The following FAM81B variants were observed in gnomAD, a reference collection of about 807,000 sequenced individuals.
The protein encoded by FAM81B is protein FAM81B.
FAM81B carries 60 observed loss-of-function variants against 58.7 expected under a neutral mutation model. The ratio of observed to expected loss-of-function variants is 1.02; its 90% CI spans 0.83 to 1.27. The LOEUF (loss-of-function observed/expected upper bound fraction) is 1.27. FAM81B is among the 50% of genes most tolerant of loss of function. FAM81B has a pLI of 0.00. For missense variants in FAM81B, 491 were observed against 522.0 expected (o/e 0.94, Z 0.58); for synonymous variants, 189 against 179.6 (o/e 1.05, Z -0.42).
intron 5 of FAM81B, among the ~76,000 whole-genome samples, chr5:95,424,512 C>T (rs1762773904): frequency 6.6e-6 from 1 of 151,082 alleles, no homozygotes; most frequent in Non-Finnish European, 1.5e-5. Flanking sequence ...TCCAAAAGCC[C>T]CATTGAATCT....
chr5:95,420,167 C>T, intron 4 of FAM81B, 117 bp from the exon 5 acceptor site: 2 of 1,243,314 alleles, frequency 1.6e-6, no homozygotes, highest in Non-Finnish European at 1.1e-6. Context: ...CTCTCTCACT[C>T]ATGCACACCA....
chr5:95,426,892 CA>C (rs1227609937), intron 5 of FAM81B, among the ~76,000 whole-genome samples: 16 of 152,098 alleles, frequency 1.1e-4, no homozygotes, highest in African/African-American at 3.9e-4. Context: ...ACTAAAAATA[CA>C]AAAAAATTAG....
At chr5:95,408,577 T>A (rs1762326338) in intron 3 of FAM81B, among the ~76,000 whole-genome samples, 1 of 152,252 alleles carries the variant, frequency 6.6e-6, no homozygotes, top group Admixed American at 6.5e-5. Context: ...CTTCTCTGCA[T>A]GTAATGTAGT....
chr5:95,397,875 C>G (rs1762004066), intron 3 of FAM81B, among the ~76,000 whole-genome samples: 1 of 152,190 alleles, frequency 6.6e-6, no homozygotes, highest in South Asian at 2.1e-4. Context: ...AAGGAAGGCA[C>G]TCTATGGCCT....
chr5:95,401,608 T>C (rs1227549925), intron 3 of FAM81B, among the ~76,000 whole-genome samples: 1 of 152,178 alleles, frequency 6.6e-6, no homozygotes, highest in Non-Finnish European at 1.5e-5. Flanking sequence ...TGTAGGACTC[T>C]CTGCACTCAG....
chr5:95,444,957 C>T (rs1056010269), intron 7 of FAM81B, among the ~76,000 whole-genome samples: 7 of 152,130 alleles, frequency 4.6e-5, no homozygotes, highest in Non-Finnish European at 8.8e-5. Flanking sequence ...AGTAACACCT[C>T]TCAGTTGTGA....
chr5:95,403,130 A>G (rs760339083), intron 3 of FAM81B, among the ~76,000 whole-genome samples: 15 of 152,242 alleles, frequency 9.9e-5, no homozygotes, highest in Non-Finnish European at 2.1e-4. Context: ...TCTTTAGGAT[A>G]CATTAGAATC....
chr5:95,424,484 C>A (rs1762773061), intron 5 of FAM81B, among the ~76,000 whole-genome samples: 1 of 150,246 alleles, frequency 6.7e-6, no homozygotes. Flanking sequence ...TGTGAACAGT[C>A]ACATGTAATT....
At chr5:95,434,053 T>C (rs892963866) in intron 6 of FAM81B, among the ~76,000 whole-genome samples, 2 of 152,216 alleles carry the variant, frequency 1.3e-5, no homozygotes, top group African/African-American at 4.8e-5. Flanking sequence ...TTTTAAAATA[T>C]TTGTTTTCAA....
intron 6 of FAM81B, among the ~76,000 whole-genome samples, chr5:95,435,488 G>T (rs951903549): frequency 2.6e-5 from 4 of 151,952 alleles, no homozygotes; most frequent in African/African-American, 9.7e-5. Context: ...CAAGTTACAT[G>T]GTTTGATATA....
At chr5:95,414,442 T>TTA (rs1762485713) in intron 4 of FAM81B, among the ~76,000 whole-genome samples, 1 of 152,222 alleles carries the variant, frequency 6.6e-6, no homozygotes, top group South Asian at 2.1e-4. Flanking sequence ...AACAAAGACA[T>TTA]TATGTCAGAC....
At chr5:95,434,947 G>A (rs1158278288) in intron 6 of FAM81B, among the ~76,000 whole-genome samples, 1 of 152,224 alleles carries the variant, frequency 6.6e-6, no homozygotes. Context: ...GAAATTTATT[G>A]AGAGGAAAAT....
chr5:95,399,629 T>G (rs1251589179), intron 3 of FAM81B, among the ~76,000 whole-genome samples: 1 of 152,162 alleles, frequency 6.6e-6, no homozygotes, highest in African/African-American at 2.4e-5. Context: ...GTCTGGATTC[T>G]TGTCACATTT....
chr5:95,395,049 C>T (rs1039113321), intron 2 of FAM81B, among the ~76,000 whole-genome samples: 2 of 152,060 alleles, frequency 1.3e-5, no homozygotes, highest in Admixed American at 1.3e-4. Context: ...GGTGGAATAC[C>T]ACTCATATTC....
intron 1 of FAM81B, 38 bp from the exon 2 acceptor site, chr5:95,392,755 TC>T (rs750177428): frequency 6.5e-7 from 1 of 1,548,604 alleles, no homozygotes; most frequent in East Asian, 2.3e-5. Flanking sequence ...AATTCACTTG[TC>T]ATAGTTCCTG....
At chr5:95,391,542 A>C (rs781468838) in intron 1 of FAM81B, 29 bp downstream of exon 1, 1 of 1,579,702 alleles carries the variant, frequency 6.3e-7, no homozygotes, top group Non-Finnish European at 8.6e-7. Context: ...AGGTCTCTAA[A>C]TTTCTCCTAC....
chr5:95,443,140 G>A (rs1745430332), intron 7 of FAM81B, among the ~76,000 whole-genome samples: 1 of 152,156 alleles, frequency 6.6e-6, no homozygotes, highest in Admixed American at 6.5e-5. Context: ...CTAGGATAGA[G>A]CTACATCCTC....
chr5:95,402,629 C>T lies in FAM81B; in HGVS notation c.293+6454C>T, dbSNP rs1486475040. Among the ~76,000 whole-genome samples the T allele has an allele frequency of 3.9e-5, 6 of 152,308 alleles. No individual in the cohort carries two copies. In the South Asian group the frequency reaches 1.2e-3, roughly 32 times the overall value. On this transcript the variant is annotated intron_variant, in intron 3 of 9. Transcript: ENST00000283357. ...TGATACCCTCCTAAAAGTCTTCCTT[C>T]GATGGGCCAAATAGCCACAGCATTG... is the stretch of plus-strand genomic sequence containing the variant.
At chr5:95,440,176 C>A (rs898352793) in intron 7 of FAM81B, 3 of 610,468 alleles carry the variant, frequency 4.9e-6, no homozygotes, top group African/African-American at 3.7e-5. Flanking sequence ...CTGACAAGTC[C>A]TTTCAAGATT....
Sources: gnomAD v4.1 joint callset for allele counts (sites outside exome capture counted in the v4.1 genomes callset) on GRCh38, gnomAD v4.1.1 for gene constraint, MANE v1.5 for transcripts, NCBI Gene and HGNC (gene_info 2026-07-23, HGNC 2026-07-21) for gene names.